P3H2: variants seen among roughly 807,000 people sequenced by gnomAD.
The protein encoded by P3H2 is prolyl 3-hydroxylase 2, also known as leprecan-like 1.
In P3H2, 80 loss-of-function variants were observed where a neutral mutation model predicts 87.0. The ratio of observed to expected loss-of-function variants is 0.92; its 90% CI spans 0.77 to 1.11. P3H2 has a LOEUF of 1.11. Among genes scored for constraint, P3H2 ranks in the 50% least tolerant of loss-of-function variants. The pLI, the probability that P3H2 is intolerant of heterozygous loss-of-function variation, is 0.00. For missense variants in P3H2, 1,001 were observed against 923.9 expected (o/e 1.08, Z -1.08); for synonymous variants, 367 against 359.3 (o/e 1.02, Z -0.24).
At chr3:190,114,403 G>C (rs1453542194) in intron 1 of P3H2, among the ~76,000 whole-genome samples, 1 of 151,762 alleles carries the variant, frequency 6.6e-6, no homozygotes, top group Non-Finnish European at 1.5e-5. Context: ...AGCCAGGATG[G>C]TCTCGATCTC....
chr3:190,043,486 G>A (rs761369562), intron 1 of P3H2, among the ~76,000 whole-genome samples: 4 of 152,160 alleles, frequency 2.6e-5, no homozygotes, highest in Non-Finnish European at 4.4e-5. Flanking sequence ...GAACAGCAGA[G>A]TGCAGGTCAC....
intron 2 of P3H2, among the ~76,000 whole-genome samples, chr3:189,994,935 T>C (rs951988716): frequency 1.3e-5 from 2 of 152,024 alleles, no homozygotes; most frequent in Admixed American, 6.6e-5. Context: ...ACCTCCTAGG[T>C]ATAAAATAAG....
intron 1 of P3H2, among the ~76,000 whole-genome samples, chr3:190,029,974 C>T (rs1626417): frequency 1.3e-5 from 2 of 150,434 alleles, no homozygotes; most frequent in African/African-American, 4.9e-5. Context: ...TGCACTCCAG[C>T]CTGAGCAACA....
intron 1 of P3H2, among the ~76,000 whole-genome samples, chr3:190,054,287 T>C (rs571671972): frequency 6.6e-5 from 10 of 152,252 alleles, no homozygotes; most frequent in African/African-American, 1.7e-4. Context: ...TCTGAGAAAA[T>C]TGAATCTTGA....
rs558211251 is a variant in P3H2 at position 189,964,097 on chromosome 3, G to A, written c.1895C>T (p.Ala632Val). The A allele has an allele frequency of 6.2e-7, 1 of 1,613,876 alleles. No homozygotes were observed. Among genetic ancestry groups the A allele is most frequent in the South Asian group, 1.1e-5 (1 of 91,080 alleles). Residue 632 changes from alanine to valine, a missense_variant and splice_region_variant, in exon 14 of 15, where the codon GCC becomes GTC. Transcript: ENST00000319332. ...FTEMDAKTVT[A>V]SIKPKCGRMI... ...GCGCCCACATTTTGGTTTTATAGAG[G>A]CCTGAGAAAGAAAGCAAAAATTAGA...
intron 10 of P3H2, among the ~76,000 whole-genome samples, chr3:189,973,511 C>CTT (rs869099221): frequency 4.2e-4 from 15 of 35,460 alleles, no homozygotes; most frequent in East Asian, 2.4e-3. Flanking sequence ...TTCTTTCTTT[C>CTT]TTTTTTTTTT....
chr3:190,031,763 GT>G (rs1425061138), intron 1 of P3H2, among the ~76,000 whole-genome samples: 27 of 148,302 alleles, frequency 1.8e-4, no homozygotes, highest in African/African-American at 6.6e-4. Flanking sequence ...ATGCAGATTG[GT>G]AACAAAAATT....
chr3:190,121,355 A>G (rs1014309819), upstream of P3H2, among the ~76,000 whole-genome samples: 1 of 151,778 alleles, frequency 6.6e-6, no homozygotes, highest in South Asian at 2.1e-4. Flanking sequence ...AAAAAAGAAT[A>G]AATAAATAAA....
chr3:190,106,785 T>G (rs1202595335), intron 1 of P3H2, among the ~76,000 whole-genome samples: 1 of 152,228 alleles, frequency 6.6e-6, no homozygotes, highest in Non-Finnish European at 1.5e-5. Context: ...TGTTACTTAC[T>G]AGCAGTATAA....
chr3:190,117,287 C>G (rs1712327123), intron 1 of P3H2, among the ~76,000 whole-genome samples: 1 of 152,208 alleles, frequency 6.6e-6, no homozygotes, highest in Non-Finnish European at 1.5e-5. Flanking sequence ...CATCCTTCTT[C>G]CCCTCCAACA....
chr3:190,047,425 C>T (rs1281148947), intron 1 of P3H2, among the ~76,000 whole-genome samples: 1 of 152,194 alleles, frequency 6.6e-6, no homozygotes, highest in African/African-American at 2.4e-5. Flanking sequence ...AAAGAGGTAT[C>T]TGTACTCTCA....
At chr3:190,111,582 T>A (rs943488992) in intron 1 of P3H2, among the ~76,000 whole-genome samples, 1 of 152,148 alleles carries the variant, frequency 6.6e-6, no homozygotes, top group Non-Finnish European at 1.5e-5. Context: ...ATATACTATA[T>A]ATAGAAATGA....
At chr3:190,027,116 C>T (rs1231601319) in intron 1 of P3H2, among the ~76,000 whole-genome samples, 1 of 152,164 alleles carries the variant, frequency 6.6e-6, no homozygotes, top group African/African-American at 2.4e-5. Context: ...AACTGAGGCA[C>T]TGAGAAGTAC....
intron 1 of P3H2, among the ~76,000 whole-genome samples, chr3:189,997,172 C>T (rs752113197): frequency 2.1e-4 from 32 of 152,184 alleles, no homozygotes; most frequent in Non-Finnish European, 3.5e-4. Flanking sequence ...TGGGCACACA[C>T]CACCATGCCC....
At chr3:190,001,577 T>C (rs540407938) in intron 1 of P3H2, among the ~76,000 whole-genome samples, 1 of 152,320 alleles carries the variant, frequency 6.6e-6, no homozygotes, top group African/African-American at 2.4e-5. Context: ...GTGACAAGCA[T>C]GTAAGCTGAC....
At position 190,102,943 on chromosome 3, in the gene P3H2, T is replaced by C. The variant is rs534012067; in HGVS notation, c.480+17309A>G. On this transcript the variant is annotated intron_variant, in intron 1 of 14. Transcript: ENST00000319332. ...GCAGCCACCAACACTGAGGAAAGAC[T>C]GTCCACCAGCAAAAAGACTGTATCT... is the stretch of plus-strand genomic sequence containing the variant. 1.1e-3 allele frequency among the ~76,000 whole-genome samples: 165 copies of C among 152,338 alleles called. 1 individual carries two copies. Among genetic ancestry groups the C allele is most frequent in the African/African-American group, 3.8e-3 (160 of 41,576 alleles).
chr3:189,991,251 A>G (rs1422090234), intron 3 of P3H2, among the ~76,000 whole-genome samples: 1 of 152,244 alleles, frequency 6.6e-6, no homozygotes, highest in Admixed American at 6.5e-5. Flanking sequence ...AGATTGCTGT[A>G]TTGAATTTAG....
rs1722655867 is a variant in P3H2 at position 189,957,070 on chromosome 3, G to A, written c.*842C>T. ...TGTGGAGGGTGAATCAAAGCTTCCAGTGTAAGTTTATTGTCTGGCGAAAAC... is the reference window on the plus strand; with the variant it reads ...TGTGGAGGGTGAATCAAAGCTTCCAATGTAAGTTTATTGTCTGGCGAAAAC... On this transcript the variant is annotated 3_prime_UTR_variant, in exon 15 of 15. Transcript: ENST00000319332. 1 of 398,592 alleles carries A rather than the reference G, an allele frequency of 2.5e-6. No individual in the cohort carries two copies. The highest frequency in any genetic ancestry group is 3.6e-5 in the East Asian group (1 of 28,054). 24.7% of individuals were successfully genotyped at this position (398,592 alleles called of 1,614,324 possible).
chr3:190,117,748 G>T (rs978050676), intron 1 of P3H2, among the ~76,000 whole-genome samples: 1 of 150,476 alleles, frequency 6.6e-6, no homozygotes. Context: ...TTTCTTGGGG[G>T]CTGGGGGAGG....
Sources: allele counts gnomAD v4.1 joint callset (sites outside exome capture counted in the v4.1 genomes callset), GRCh38; gene constraint gnomAD v4.1.1; transcripts MANE v1.5; gene names NCBI Gene and HGNC (gene_info 2026-07-23, HGNC 2026-07-21).